The following NRL variants were observed in gnomAD, a reference collection of about 807,000 sequenced individuals.
NRL encodes neural retina-specific leucine zipper protein.
In NRL, 16 loss-of-function variants were observed where a neutral mutation model predicts 12.5. The ratio of observed to expected loss-of-function variants is 1.28; its 90% CI spans 0.87 to 1.95. NRL has a LOEUF of 1.95. NRL is among the 30% of genes most tolerant of loss of function. NRL has a pLI of 0.00. For missense variants in NRL, 314 were observed against 325.8 expected (o/e 0.96, Z 0.28); for synonymous variants, 142 against 150.9 (o/e 0.94, Z 0.43).
Position 24,103,617 on chromosome 14 carries a change from C to A in NRL, c.-28+11105G>T, listed in dbSNP as rs1416570163. On this transcript the variant is annotated intron_variant, in intron 1 of 2. Coordinates refer to ENST00000561028, the MANE Select transcript of NRL (RefSeq NM_001354768.3). Reference sequence around the variant, plus strand: ...CATGGAAGGGCGCAAGGGGGCCCAGCTGCCCCGTATCTTCCATGTCAACTG... The same window carrying A: ...CATGGAAGGGCGCAAGGGGGCCCAGATGCCCCGTATCTTCCATGTCAACTG... 1.2e-6 allele frequency: 2 copies of A among 1,613,432 alleles called. No individual in the cohort carries two copies. The highest frequency in any genetic ancestry group is 2.7e-5 in the African/African-American group (2 of 74,938).
At position 24,098,600 on chromosome 14, in the gene NRL, A is replaced by T. The variant is rs147181639; in HGVS notation, c.-27-15725T>A. On this transcript the variant is annotated intron_variant, in intron 1 of 2. Transcript: ENST00000561028. ...CATGCGTATTATGACCCGACTGGGG[A>T]CACCTGTGCTTCAGGCCCTGGGAGA... The T allele has an allele frequency of 2.9e-5, 47 of 1,614,060 alleles. No homozygotes were observed. The African/African-American group carries it at 5.1e-4, about 17-fold the overall frequency.
At position 24,094,974 on chromosome 14, in the gene NRL, C is replaced by G. The variant is rs1220911627; in HGVS notation, c.-27-12099G>C. ...GGAAGTCCAGAGCAGCCCGAGGGACCTGGGCCCAGGGGAGGGAGGCAAGCA... is the reference window on the plus strand; with the variant it reads ...GGAAGTCCAGAGCAGCCCGAGGGACGTGGGCCCAGGGGAGGGAGGCAAGCA... On this transcript the variant is annotated intron_variant, in intron 1 of 2. Coordinates refer to ENST00000561028, the MANE Select transcript of NRL (RefSeq NM_001354768.3). The surrounding 1 kb of genome is among the most constrained non-coding windows in gnomAD (Gnocchi z 4.1). 1.4e-6 allele frequency: 1 copy of G among 738,418 alleles called. No homozygotes were observed. The highest frequency in any genetic ancestry group is 6.5e-5 in the East Asian group (1 of 15,380). The allele number at this position is 738,418 out of a possible 1,614,324, so 45.7% of individuals were successfully genotyped here. A position where few individuals can be genotyped will look rare whatever the true frequency, so the allele number is the denominator to read the frequency against.
chr14:24,098,810 C>A, intron 1 of NRL: 2 of 793,780 alleles, frequency 2.5e-6, no homozygotes, highest in Middle Eastern at 3.7e-4. Flanking sequence ...TCCAGAGCAG[C>A]AGTCCCAGCA....
At position 24,093,977 on chromosome 14, in the gene NRL, C is replaced by A. The variant is rs992456720; in HGVS notation, c.-27-11102G>T. The A allele has an allele frequency of 2.6e-5, 13 of 501,698 alleles. No homozygotes were observed. The East Asian group carries it at 4.6e-4, about 18-fold the overall frequency. 31.1% of individuals were successfully genotyped at this position (501,698 alleles called of 1,614,324 possible). A position where few individuals can be genotyped will look rare whatever the true frequency, so the allele number is the denominator to read the frequency against. ...TGTAGTCTCCCGCCCCTGGCCTCGC[C>A]CCTCGTTCCTAGCTTGTTTGCCACC... On this transcript the variant is annotated intron_variant, in intron 1 of 2. Transcript: ENST00000561028.
At position 24,081,232 on chromosome 14, in the gene NRL, C is replaced by T. The variant is rs1034206043; in HGVS notation, c.*4G>A. On this transcript the variant is annotated 3_prime_UTR_variant, in exon 3 of 3. Coordinates refer to ENST00000561028, the MANE Select transcript of NRL (RefSeq NM_001354768.3). The surrounding 1 kb of genome is among the most constrained non-coding windows in gnomAD (Gnocchi z 4.4). ...CCACTACACCACAAGGTGCTCTGAA[C>T]GGCTCAGAGGAAGAGGTGGGAGGGG... The T allele has an allele frequency of 2.8e-5, 41 of 1,472,952 alleles. No homozygotes were observed. Among genetic ancestry groups the T allele is most frequent in the Non-Finnish European group, 3.3e-5 (37 of 1,109,116 alleles). 91.2% of individuals were successfully genotyped at this position (1,472,952 alleles called of 1,614,324 possible).
chr14:24,088,918 G>C (rs953926502), intron 1 of NRL, among the ~76,000 whole-genome samples: 11 of 147,184 alleles, frequency 7.5e-5, no homozygotes, highest in Non-Finnish European at 1.5e-4. Context: ...CCATTCTCCT[G>C]CCTCAGACTC....
chr14:24,111,555 C>T (rs965163228), intron 1 of NRL, among the ~76,000 whole-genome samples: 8 of 150,698 alleles, frequency 5.3e-5, no homozygotes, highest in Non-Finnish European at 7.4e-5. Context: ...TTTTTAGTGA[C>T]GGGGTTTCAC....
intron 1 of NRL, among the ~76,000 whole-genome samples, chr14:24,083,936 T>C (rs2036398912): frequency 6.6e-6 from 1 of 152,236 alleles, no homozygotes; most frequent in Non-Finnish European, 1.5e-5. Flanking sequence ...GAGGAACTTC[T>C]GGCTGGGTGA....
chr14:24,080,260 G>T lies in NRL; in HGVS notation c.*976C>A. 6.6e-6 allele frequency: 1 copy of T among 152,334 alleles called. No individual in the cohort carries two copies. The allele number at this position is 152,334 out of a possible 1,614,324, so 9.4% of individuals were successfully genotyped here. On this transcript the variant is annotated 3_prime_UTR_variant, in exon 3 of 3. Coordinates refer to ENST00000561028, the MANE Select transcript of NRL (RefSeq NM_001354768.3). ...CTCAGCCCTCAGAGAGGTGGGAGGT[G>T]GCAGGAGCACCCTGTGCAGGTCTGG... is the stretch of plus-strand genomic sequence containing the variant.
At chr14:24,104,473 CAAAAAAA>C (rs59451696) in intron 1 of NRL, among the ~76,000 whole-genome samples, 1 of 119,396 alleles carries the variant, frequency 8.4e-6, no homozygotes, top group East Asian at 2.2e-4. Flanking sequence ...ACTAAAAATA[CAAAAAAA>C]AAAAAAAAAT....
intron 1 of NRL, chr14:24,084,792 T>G: frequency 2.4e-6 from 2 of 831,458 alleles, no homozygotes; most frequent in Non-Finnish European, 2.9e-6. Flanking sequence ...AGTGTGCTTA[T>G]TCTCAAAGAA....
intron 1 of NRL, among the ~76,000 whole-genome samples, chr14:24,092,600 G>A (rs563013086): frequency 6.6e-6 from 1 of 152,172 alleles, no homozygotes. Context: ...TCTATGAACT[G>A]GGGGGAAAGA....
In NRL at chr14:24,094,432, G is replaced by A; in HGVS notation, c.-27-11557C>T. The A allele has an allele frequency of 6.5e-7, 1 of 1,549,896 alleles. No homozygotes were observed. ...TGGCCGCATTGTACCGCCCTGGCCT[G>A]CGGTGAGTGACCCCCGGCCCGGGGC... On this transcript the variant is annotated intron_variant, in intron 1 of 2. Coordinates refer to ENST00000561028, the MANE Select transcript of NRL (RefSeq NM_001354768.3). This position sits in a 1 kb window ranked among gnomAD's most constrained non-coding sequence, Gnocchi z 4.1.
At chr14:24,097,087 C>A (rs2036918686) in intron 1 of NRL, 1 of 1,613,582 alleles carries the variant, frequency 6.2e-7, no homozygotes, top group Admixed American at 1.7e-5. Context: ...CCACACTGAC[C>A]CTGCTGGAGC....
chr14:24,110,540 C>T (rs1038226844), intron 1 of NRL: 4 of 166,028 alleles, frequency 2.4e-5, no homozygotes, highest in African/African-American at 4.8e-5. Flanking sequence ...AAATAGAAGG[C>T]TACAACAAAC....
chr14:24,113,723 CG>C (rs1161898199), intron 1 of NRL, among the ~76,000 whole-genome samples: 6 of 152,242 alleles, frequency 3.9e-5, no homozygotes, highest in Non-Finnish European at 1.5e-5. Flanking sequence ...CTCAGGTCTC[CG>C]GATCTAGAGA....
intron 1 of NRL, among the ~76,000 whole-genome samples, chr14:24,106,532 C>A (rs892991571): frequency 6.6e-6 from 1 of 151,996 alleles, no homozygotes; most frequent in Non-Finnish European, 1.5e-5. Context: ...ACCAGCTAGA[C>A]CAACATGGTG....
chr14:24,099,196 G>T, intron 1 of NRL: 1 of 1,603,586 alleles, frequency 6.2e-7, no homozygotes, highest in South Asian at 1.1e-5. Context: ...ATCGCCTCTC[G>T]GCTGGCCCGG....
At chr14:24,109,588 C>T (rs1018183777) in intron 1 of NRL, among the ~76,000 whole-genome samples, 6 of 151,592 alleles carry the variant, frequency 4.0e-5, no homozygotes, top group African/African-American at 1.5e-4. Context: ...GTCCCAGGTA[C>T]TCGGGAGGCT....
Sources: gnomAD v4.1 joint callset for allele counts (sites outside exome capture counted in the v4.1 genomes callset) on GRCh38, gnomAD v4.1.1 for gene constraint, Gnocchi (gnomAD v3.1) non-coding constraint, MANE v1.5 for transcripts, NCBI Gene and HGNC (gene_info 2026-07-23, HGNC 2026-07-21) for gene names.